VPS13B: variants seen among roughly 807,000 people sequenced by gnomAD.
The protein encoded by VPS13B is intermembrane lipid transfer protein VPS13B.
A neutral mutation model predicts 426.4 loss-of-function variants in VPS13B; 285 were observed. The ratio of observed to expected loss-of-function variants is 0.67; its 90% CI spans 0.61 to 0.74. The LOEUF (loss-of-function observed/expected upper bound fraction) is 0.74. VPS13B is among the 30% of genes least tolerant of loss of function. The probability of loss-of-function intolerance (pLI) is 0.00; values close to 1 mark genes in which losing one functional copy is unlikely to be tolerated. For synonymous variants in VPS13B, 1,676 were observed against 1,676.4 expected (o/e 1.00, Z 0.01); for missense variants, 4,537 against 4,782.6 (o/e 0.95, Z 1.51).
intron 13 of VPS13B, among the ~76,000 whole-genome samples, chr8:99,143,679 A>T (rs1025353798): frequency 4.6e-5 from 7 of 152,210 alleles, no homozygotes; most frequent in African/African-American, 1.4e-4. Context: ...GTAATGAGGA[A>T]GTATAAGATA....
At chr8:99,793,254 C>CAT (rs779913773) in intron 43 of VPS13B, among the ~76,000 whole-genome samples, 26,556 of 106,586 alleles carry the variant, frequency 0.25, 3,140 homozygotes, top group Admixed American at 0.38. Context: ...TTGCCCTCTC[C>CAT]ATATATATAT....
At chr8:99,683,831 C>T (rs1831257237) in intron 35 of VPS13B, among the ~76,000 whole-genome samples, 1 of 152,022 alleles carries the variant, frequency 6.6e-6, no homozygotes, top group Admixed American at 6.6e-5. Context: ...TTATTTATGC[C>T]CTTTTATCTT....
intron 13 of VPS13B, among the ~76,000 whole-genome samples, chr8:99,146,984 T>C (rs527972027): frequency 1.3e-5 from 2 of 152,302 alleles, no homozygotes; most frequent in Admixed American, 6.5e-5. Context: ...CCAGATTCCT[T>C]CTATTTTATT....
chr8:99,483,649 T>C (rs1820156704), intron 25 of VPS13B, among the ~76,000 whole-genome samples: 1 of 152,184 alleles, frequency 6.6e-6, no homozygotes, highest in African/African-American at 2.4e-5. Context: ...TTTTAGTGGC[T>C]GAAAGGAGAG....
chr8:99,464,461 G>A (rs1370967049), intron 23 of VPS13B, among the ~76,000 whole-genome samples: 3 of 151,860 alleles, frequency 2.0e-5, no homozygotes, highest in South Asian at 2.1e-4. Context: ...AAAGATTCAG[G>A]GTCATAAATT....
In VPS13B at chr8:99,608,315, A is replaced by AT. The variant is rs568198343; in HGVS notation, c.5220+30694dup. Among the ~76,000 whole-genome samples the AT allele has an allele frequency of 9.5e-3, 1,368 of 144,202 alleles. 16 individuals carry two copies. Among genetic ancestry groups the AT allele is most frequent in the African/African-American group, 0.023 (915 of 39,422 alleles). 94.6% of individuals were successfully genotyped at this position (144,202 alleles called of 152,430 possible). On this transcript the variant is annotated intron_variant, in intron 33 of 61. Coordinates refer to ENST00000357162, the MANE Select transcript of VPS13B (RefSeq NM_152564.5). Reference sequence around the variant, plus strand: ...AGAGACATGCCACCATGCCCAGCTAATTTTTTTTTTTTGTAGTGACAGAGT... The same window carrying AT: ...AGAGACATGCCACCATGCCCAGCTAATTTTTTTTTTTTTGTAGTGACAGAGT...
chr8:99,118,022 T>A (rs570910510), intron 7 of VPS13B, among the ~76,000 whole-genome samples: 1 of 152,324 alleles, frequency 6.6e-6, no homozygotes, highest in East Asian at 1.9e-4. Context: ...AAAACATACC[T>A]TTATTTCACA....
intron 33 of VPS13B, among the ~76,000 whole-genome samples, chr8:99,600,697 T>C (rs1271758366): frequency 1.3e-5 from 2 of 152,200 alleles, no homozygotes; most frequent in African/African-American, 4.8e-5. Context: ...TGCATTTGCC[T>C]GAGAGGCAGT....
chr8:99,724,183 C>T (rs1278890557), intron 39 of VPS13B, among the ~76,000 whole-genome samples: 1 of 152,158 alleles, frequency 6.6e-6, no homozygotes, highest in African/African-American at 2.4e-5. Flanking sequence ...CAGCTTTCTC[C>T]TTGAGGATCT....
chr8:99,336,209 G>C (rs541905054), intron 19 of VPS13B, among the ~76,000 whole-genome samples: 2 of 151,746 alleles, frequency 1.3e-5, no homozygotes, highest in Admixed American at 1.3e-4. Flanking sequence ...AAATAACGCC[G>C]CATATCTACA....
chr8:99,741,743 G>A lies in VPS13B; in HGVS notation c.7050+20696G>A, dbSNP rs937608177. Among the ~76,000 whole-genome samples, 246 of 152,302 alleles carry A rather than the reference G, an allele frequency of 1.6e-3. 2 individuals are homozygous for A. Among genetic ancestry groups the A allele is most frequent in the Non-Finnish European group, 1.9e-3 (129 of 68,020 alleles). ...ATGACTACTGGGTACATAACGAAAT[G>A]AAGGCAGAAATAAAGATGTTCTTTG... is the stretch of plus-strand genomic sequence containing the variant. On this transcript the variant is annotated intron_variant, in intron 39 of 61. Transcript: ENST00000357162.
chr8:99,874,859 T>TTCTC, intron 61 of VPS13B: 1 of 154,468 alleles, frequency 6.5e-6, no homozygotes, highest in Admixed American at 6.4e-5. Context: ...CTTCTCTATT[T>TTCTC]TCTCTGGCTT....
chr8:99,476,619 T>G (rs997876216), intron 24 of VPS13B, among the ~76,000 whole-genome samples: 1 of 152,146 alleles, frequency 6.6e-6, no homozygotes, highest in Non-Finnish European at 1.5e-5. Context: ...AACCAAGATT[T>G]GATTAACAGC....
intron 7 of VPS13B, among the ~76,000 whole-genome samples, chr8:99,117,600 A>G (rs1261588220): frequency 2.0e-5 from 3 of 152,224 alleles, no homozygotes; most frequent in Admixed American, 6.5e-5. Flanking sequence ...ACATTGGAGT[A>G]TTATTTAGCT....
At position 99,381,754 on chromosome 8, in the gene VPS13B, C is replaced by CT. The variant is rs935767810; in HGVS notation, c.2825-2444dup. Among the ~76,000 whole-genome samples the CT allele has an allele frequency of 3.5e-4, 51 of 147,068 alleles. 1 individual carries two copies. The highest frequency in any genetic ancestry group is 6.9e-3 in the Middle Eastern group (2 of 288). ...CTTTGCCCACTTTTCAATGGACTTG[C>CT]TTTTTTTTTTCTTGTAGATTTCTTT... On this transcript the variant is annotated intron_variant, in intron 19 of 61. Coordinates refer to ENST00000357162, the MANE Select transcript of VPS13B (RefSeq NM_152564.5).
At chr8:99,070,791 CT>C (rs1844817303) in intron 3 of VPS13B, among the ~76,000 whole-genome samples, 1 of 151,622 alleles carries the variant, frequency 6.6e-6, no homozygotes, top group Non-Finnish European at 1.5e-5. Context: ...ATTCTTTTTT[CT>C]TTTGTCTCCT....
chr8:99,873,693 A>G (rs1817549630), intron 61 of VPS13B, among the ~76,000 whole-genome samples: 2 of 152,212 alleles, frequency 1.3e-5, no homozygotes, highest in Admixed American at 6.5e-5. Flanking sequence ...CTCACCCCCA[A>G]GAAAACTCAA....
chr8:99,173,036 G>A (rs1007928296), intron 16 of VPS13B, among the ~76,000 whole-genome samples: 9 of 152,048 alleles, frequency 5.9e-5, no homozygotes, highest in African/African-American at 1.7e-4. Context: ...ATATCATGAG[G>A]CATTTTCATT....
chr8:99,110,575 C>T (rs564370961), intron 5 of VPS13B, among the ~76,000 whole-genome samples: 235 of 151,900 alleles, frequency 1.5e-3, no homozygotes, highest in African/African-American at 5.2e-3. Flanking sequence ...GCTAGTGCAA[C>T]CAAGGACCTT....
Sources: gnomAD v4.1 joint callset for allele counts (sites outside exome capture counted in the v4.1 genomes callset) on GRCh38, gnomAD v4.1.1 for gene constraint, MANE v1.5 for transcripts, NCBI Gene and HGNC (gene_info 2026-07-23, HGNC 2026-07-21) for gene names.